The following GLDC variants were observed in gnomAD, a reference collection of about 807,000 sequenced individuals.
GLDC encodes the protein glycine dehydrogenase (decarboxylating), mitochondrial.
In GLDC, 104 loss-of-function variants were observed where a neutral mutation model predicts 121.3. That is an observed-to-expected ratio of 0.86 (90% CI 0.73 to 1.01). The LOEUF (loss-of-function observed/expected upper bound fraction) is 1.01, where lower values mean the gene tolerates loss of function less well. Among genes scored for constraint, GLDC ranks in the 50% least tolerant of loss-of-function variants. The pLI is 0.00. For synonymous variants in GLDC, 546 were observed against 480.6 expected, an observed-to-expected ratio of 1.14 and a Z score of -1.78; for missense variants, 1,429 against 1,306.6, an observed-to-expected ratio of 1.09 and a Z score of -1.44.
At chr9:6,577,034 G>A (rs887778274) in intron 15 of GLDC, among the ~76,000 whole-genome samples, 13 of 152,172 alleles carry the variant, frequency 8.5e-5, no homozygotes, top group African/African-American at 3.1e-4. Context: ...AAAGGTCCCT[G>A]CTGCAGCATA....
chr9:6,621,429 T>A (rs896721232), intron 2 of GLDC, among the ~76,000 whole-genome samples: 1 of 152,198 alleles, frequency 6.6e-6, no homozygotes, highest in Non-Finnish European at 1.5e-5. Context: ...TCACACGACT[T>A]TAAATTAAAG....
At chr9:6,585,618 T>C (rs117755058) in intron 15 of GLDC, among the ~76,000 whole-genome samples, 5 of 152,266 alleles carry the variant, frequency 3.3e-5, no homozygotes, top group Non-Finnish European at 5.9e-5. Flanking sequence ...GTAGTCTATG[T>C]TACAAAACAG....
At chr9:6,599,041 A>G (rs1818545968) in intron 8 of GLDC, among the ~76,000 whole-genome samples, 1 of 152,152 alleles carries the variant, frequency 6.6e-6, no homozygotes, top group African/African-American at 2.4e-5. Context: ...AATATTAGCC[A>G]GGCATGGTCG....
chr9:6,540,044 C>A lies in GLDC; in HGVS notation c.2665+7G>T. On this transcript the variant is annotated splice_region_variant and intron_variant, in intron 22 of 24. Transcript: ENST00000321612. The stretch of plus-strand genomic sequence containing the variant: ...GGGCGGCGGCATGAATGTCAAAAGC[C>A]ACTTACCATAATCCTGGAGTCTCTT... 1 of 1,583,742 alleles carries A rather than the reference C, an allele frequency of 6.3e-7. No individual in the cohort carries two copies. The highest frequency in any genetic ancestry group is 1.1e-5 in the South Asian group (1 of 90,432).
chr9:6,533,207 T>G, intron 24 of GLDC, 47 bp from the exon 25 acceptor site: 1 of 1,580,820 alleles, frequency 6.3e-7, no homozygotes, highest in Non-Finnish European at 8.7e-7. Flanking sequence ...TCTGGGAGGT[T>G]TCTCTTAGGG....
rs756831007 is a variant in GLDC at position 6,605,273 on chromosome 9, GTA to G, written c.717_718del (p.Thr240TrpfsTer5). On this transcript the variant is annotated frameshift_variant, in exon 6 of 25. Coordinates refer to ENST00000321612, the MANE Select transcript of GLDC (RefSeq NM_000170.3). LOFTEE classifies it high-confidence loss of function. ...TAACTTCAGCTCAGTGAGGACTCCA[GTA>G]TATCTGGAAAGACAGACAACAAAGA... The G allele has an allele frequency of 6.2e-7, 1 of 1,613,794 alleles. No homozygotes were observed. Among genetic ancestry groups the G allele is most frequent in the Admixed American group, 1.7e-5 (1 of 60,024 alleles).
At chr9:6,582,083 C>T (rs1414152478) in intron 15 of GLDC, among the ~76,000 whole-genome samples, 1 of 151,354 alleles carries the variant, frequency 6.6e-6, no homozygotes, top group African/African-American at 2.4e-5. Flanking sequence ...GGTGTGGTAG[C>T]GGGCACCTGT....
chr9:6,607,856 C>T (rs1818767344), intron 4 of GLDC, among the ~76,000 whole-genome samples: 1 of 151,776 alleles, frequency 6.6e-6, no homozygotes, highest in Admixed American at 6.6e-5. Flanking sequence ...GTCATGGTGG[C>T]TCACGCCTGT....
intron 11 of GLDC, among the ~76,000 whole-genome samples, chr9:6,591,606 T>C (rs1457239447): frequency 6.6e-6 from 1 of 152,174 alleles, no homozygotes; most frequent in African/African-American, 2.4e-5. Context: ...TTTTTTGAGA[T>C]GGAGTTTTGC....
chr9:6,597,649 A>C (rs187338181), intron 8 of GLDC, among the ~76,000 whole-genome samples: 99 of 152,210 alleles, frequency 6.5e-4, no homozygotes, highest in African/African-American at 2.2e-3. Flanking sequence ...AAATAAGAGA[A>C]TATATGGCCG....
chr9:6,616,642 G>A (rs924117907), intron 3 of GLDC, among the ~76,000 whole-genome samples: 7 of 152,154 alleles, frequency 4.6e-5, no homozygotes, highest in African/African-American at 1.7e-4. Flanking sequence ...AAGAAAACAT[G>A]CCTGTCATCT....
chr9:6,613,939 G>A (rs1000322498), intron 3 of GLDC, among the ~76,000 whole-genome samples: 1 of 152,102 alleles, frequency 6.6e-6, no homozygotes, highest in Non-Finnish European at 1.5e-5. Context: ...ACCACACCCA[G>A]CTAAATTTTG....
chr9:6,593,836 G>A (rs1027986307), intron 9 of GLDC, among the ~76,000 whole-genome samples: 3 of 151,652 alleles, frequency 2.0e-5, no homozygotes, highest in Admixed American at 6.6e-5. Context: ...GGGACTACAG[G>A]AGTATGCCAC....
chr9:6,568,163 C>CT (rs1163263402), intron 15 of GLDC, among the ~76,000 whole-genome samples: 2 of 152,118 alleles, frequency 1.3e-5, no homozygotes, highest in Admixed American at 1.3e-4. Context: ...AGACTATATG[C>CT]TAAAGACTTG....
chr9:6,627,850 G>C (rs1374917493), intron 2 of GLDC, among the ~76,000 whole-genome samples: 1 of 152,164 alleles, frequency 6.6e-6, no homozygotes, highest in African/African-American at 2.4e-5. Context: ...TGTCTGAATT[G>C]TTTCAAATGT....
intron 21 of GLDC, among the ~76,000 whole-genome samples, chr9:6,542,843 A>T (rs1446862293): frequency 6.2e-5 from 9 of 146,040 alleles, no homozygotes; most frequent in Admixed American, 2.1e-4. Context: ...CCGAGATCAC[A>T]TCACTGCATT....
At chr9:6,611,358 C>T (rs537090291) in intron 3 of GLDC, among the ~76,000 whole-genome samples, 58 of 152,316 alleles carry the variant, frequency 3.8e-4, no homozygotes, top group South Asian at 8.3e-4. Flanking sequence ...GAGATCGAGA[C>T]CATCCTGGCT....
chr9:6,623,801 C>G (rs112645470), intron 2 of GLDC, among the ~76,000 whole-genome samples: 6,902 of 152,246 alleles, frequency 0.045, 505 homozygotes, highest in African/African-American at 0.15. Context: ...AGAAGATAGG[C>G]AAGGACAACA....
rs112357157 is a variant in GLDC, at chr9:6,644,322, G to C, written c.334+292C>G. On this transcript the variant is annotated intron_variant, in intron 2 of 24. Coordinates refer to ENST00000321612, the MANE Select transcript of GLDC (RefSeq NM_000170.3). ...ATGAGAGCACCCTGGCCGGTGAGAGGGTGCCTGGGAAGTGGGGAATCTGCT... is the reference window on the plus strand; with the variant it reads ...ATGAGAGCACCCTGGCCGGTGAGAGCGTGCCTGGGAAGTGGGGAATCTGCT... Among the ~76,000 whole-genome samples, 1,702 of 152,022 alleles carry C rather than the reference G, an allele frequency of 0.011. 41 individuals are homozygous for C. The highest frequency in any genetic ancestry group is 0.038 in the African/African-American group (1,576 of 41,466).
Sources: gnomAD v4.1 joint callset for allele counts (sites outside exome capture counted in the v4.1 genomes callset) on GRCh38, gnomAD v4.1.1 for gene constraint, MANE v1.5 for transcripts, NCBI Gene and HGNC (gene_info 2026-07-23, HGNC 2026-07-21) for gene names.